Variants in LMF1 observed in about 807,000 individuals in gnomAD.
The protein encoded by LMF1 is lipase maturation factor 1.
LMF1 carries 68 observed loss-of-function variants against 60.6 expected under a neutral mutation model. The observed-to-expected ratio is 1.12, with a 90% CI of 0.92 to 1.37. The LOEUF (loss-of-function observed/expected upper bound fraction) is 1.37, where lower values mean the gene tolerates loss of function less well. Ranked by LOEUF, LMF1 falls within the 40% of genes most tolerant of loss-of-function variation. The probability of loss-of-function intolerance (pLI) is 0.00; values close to 1 mark genes in which losing one functional copy is unlikely to be tolerated. For missense variants in LMF1, 948 were observed against 767.2 expected (o/e 1.24, Z -2.78); for synonymous variants, 418 against 324.7 (o/e 1.29, Z -3.09).
chr16:900,372 A>ACCTCTGG (rs539839363), intron 4 of LMF1: 1 of 152,348 alleles, frequency 6.6e-6, no homozygotes, highest in African/African-American at 2.4e-5. Context: ...AGAAGGCCCT[A>ACCTCTGG]CCTCTGGGTG....
At chr16:923,247 G>T (rs1310200479) in intron 3 of LMF1, among the ~76,000 whole-genome samples, 1 of 152,234 alleles carries the variant, frequency 6.6e-6, no homozygotes, top group African/African-American at 2.4e-5. Flanking sequence ...GGCAAGGAGT[G>T]TGGGGCGGAT....
rs1381453011 is a variant in LMF1, at chr16:874,069, G to GT, written c.898-2729dup. On this transcript the variant is annotated intron_variant, in intron 6 of 10. Transcript: ENST00000262301. The surrounding 1 kb of genome is among the most constrained non-coding windows in gnomAD (Gnocchi z 4.1). Reference sequence around the variant, plus strand: ...GGTGTGAGGGTCTCCTTTGCCGGGTGTGGGGGGGGTATGGGAAGTTCTGGA... The same window carrying GT: ...GGTGTGAGGGTCTCCTTTGCCGGGTGTTGGGGGGGGTATGGGAAGTTCTGGA... 1.3e-5 allele frequency among the ~76,000 whole-genome samples: 2 copies of GT among 152,234 alleles called. No individual in the cohort carries two copies. Among genetic ancestry groups the GT allele is most frequent in the East Asian group, 1.9e-4 (1 of 5,202 alleles).
chr16:968,128 C>G (rs1349631958), intron 1 of LMF1, among the ~76,000 whole-genome samples: 1 of 152,244 alleles, frequency 6.6e-6, no homozygotes, highest in Non-Finnish European at 1.5e-5. Flanking sequence ...GGTGGCAGCA[C>G]ATGGAAACGC....
At chr16:909,541 C>T (rs765075089) in intron 4 of LMF1, among the ~76,000 whole-genome samples, 12 of 152,296 alleles carry the variant, frequency 7.9e-5, no homozygotes, top group East Asian at 1.9e-4. Context: ...TACCAAGCCA[C>T]GCTATGCAGA....
chr16:872,294 C>T (rs2069821384), intron 6 of LMF1: 1 of 152,138 alleles, frequency 6.6e-6, no homozygotes, highest in Admixed American at 6.5e-5. Flanking sequence ...CAGCCTTTAT[C>T]CCCGTAACTC....
chr16:966,938 G>A (rs1363508137), intron 1 of LMF1, among the ~76,000 whole-genome samples: 3 of 152,248 alleles, frequency 2.0e-5, no homozygotes, highest in African/African-American at 4.8e-5. Context: ...CAGTTAAAAT[G>A]CATTGTGTAC....
At chr16:880,585 G>A (rs1420509030) in intron 5 of LMF1, among the ~76,000 whole-genome samples, 2 of 152,200 alleles carry the variant, frequency 1.3e-5, no homozygotes, top group African/African-American at 4.8e-5. Context: ...CAGGAGGATC[G>A]CCTGAACCCA....
chr16:861,354 C>CTTAT (rs774911677), intron 10 of LMF1, among the ~76,000 whole-genome samples: 6 of 92,666 alleles, frequency 6.5e-5, no homozygotes, highest in African/African-American at 2.6e-4. Flanking sequence ...AATTTTCTTT[C>CTTAT]TTTTTTTTTT....
At chr16:939,855 C>A (rs937687258) in intron 2 of LMF1, among the ~76,000 whole-genome samples, 7 of 152,166 alleles carry the variant, frequency 4.6e-5, no homozygotes, top group African/African-American at 1.7e-4. Context: ...TAGAGAGAAG[C>A]CCTGGGCAGT....
chr16:876,453 G>C (rs981527030), intron 6 of LMF1, among the ~76,000 whole-genome samples: 1 of 152,202 alleles, frequency 6.6e-6, no homozygotes, highest in Non-Finnish European at 1.5e-5. Flanking sequence ...TCTCCTGTCA[G>C]CCGGGACTTT....
intron 4 of LMF1, among the ~76,000 whole-genome samples, chr16:905,619 A>T (rs2070955389): frequency 6.6e-6 from 1 of 152,062 alleles, no homozygotes; most frequent in Non-Finnish European, 1.5e-5. Context: ...AATTATCTTT[A>T]TTATTGAACT....
At chr16:922,137 C>T (rs914800596) in intron 3 of LMF1, among the ~76,000 whole-genome samples, 23 of 152,238 alleles carry the variant, frequency 1.5e-4, no homozygotes, top group African/African-American at 5.5e-4. Context: ...GCGGCCTGGA[C>T]AGAAAACTTC....
intron 5 of LMF1, among the ~76,000 whole-genome samples, chr16:880,267 G>T (rs999385794): frequency 6.6e-6 from 1 of 152,214 alleles, no homozygotes; most frequent in South Asian, 2.1e-4. Flanking sequence ...AGACCTGGCT[G>T]TGGGGACCTG....
At chr16:855,624 A>G in intron 10 of LMF1, 1 of 444,396 alleles carries the variant, frequency 2.3e-6, no homozygotes, top group South Asian at 1.6e-5. Context: ...GCAGGAGCGG[A>G]AGCTTCTCAG....
chr16:880,809 A>T (rs1446509750), intron 5 of LMF1, among the ~76,000 whole-genome samples: 1 of 152,248 alleles, frequency 6.6e-6, no homozygotes, highest in African/African-American at 2.4e-5. Context: ...TGGCACTGCC[A>T]GGGCTGTGTG....
chr16:959,150 A>G (rs1360531757), intron 1 of LMF1, among the ~76,000 whole-genome samples: 3 of 152,214 alleles, frequency 2.0e-5, no homozygotes, highest in Non-Finnish European at 2.9e-5. Flanking sequence ...CATAGCCACT[A>G]AAAACTAGAA....
Position 970,883 on chromosome 16 carries a change from G to A in LMF1, c.98C>T (p.Pro33Leu), listed in dbSNP as rs1320315048. ...CGGAGAGCCTGCGGGGCCACGCCCC[G>A]GCGCGGGCGGCGACTCAGGCTCCGG... ...SDPEPESPPA[P>L]GRGPAGSPAH... Residue 33 changes from proline to leucine, a missense_variant, in exon 1 of 11, where the codon CCG becomes CTG. Transcript: ENST00000262301. 6 of 1,572,366 alleles carry A rather than the reference G, an allele frequency of 3.8e-6. No individual in the cohort carries two copies. Among genetic ancestry groups the A allele is most frequent in the Non-Finnish European group, 5.2e-6 (6 of 1,161,528 alleles).
At chr16:899,531 G>C (rs1436252546) in intron 4 of LMF1, 1 of 152,250 alleles carries the variant, frequency 6.6e-6, no homozygotes, top group Non-Finnish European at 1.5e-5. Context: ...GGAAACGGCA[G>C]CACATCTGCC....
chr16:978,127 A>C (rs1290997808), intron 1 of LMF1, among the ~76,000 whole-genome samples: 3 of 109,760 alleles, frequency 2.7e-5, no homozygotes, highest in African/African-American at 8.0e-5. Context: ...CCATACACAC[A>C]CCACACCACA....
Sources: gnomAD v4.1 joint callset for allele counts (sites outside exome capture counted in the v4.1 genomes callset) on GRCh38, gnomAD v4.1.1 for gene constraint, Gnocchi (gnomAD v3.1) non-coding constraint, MANE v1.5 for transcripts, NCBI Gene and HGNC (gene_info 2026-07-23, HGNC 2026-07-21) for gene names.